NEBL: variants seen among roughly 807,000 people sequenced by gnomAD.
NEBL encodes nebulette.
NEBL carries 122 observed loss-of-function variants against 140.2 expected under a neutral mutation model. The ratio of observed to expected loss-of-function variants is 0.87; its 90% confidence interval spans 0.75 to 1.01. The LOEUF is 1.01. Ranked by LOEUF, NEBL falls within the 50% of genes least tolerant of loss-of-function variation. The probability of loss-of-function intolerance (pLI) is 0.00; values close to 1 mark genes in which losing one functional copy is unlikely to be tolerated. For missense variants in NEBL, 1,365 were observed against 1,231.3 expected (o/e 1.11, Z -1.62); for synonymous variants, 436 against 398.9 (o/e 1.09, Z -1.11).
Position 20,850,407 on chromosome 10 carries a change from C to T in NEBL, c.1104G>A (p.Lys368=). 6.2e-7 allele frequency: 1 copy of T among 1,605,302 alleles called. No individual in the cohort carries two copies. The change falls in exon 11 of 28, where the codon AAG becomes AAA. Residue 368 remains lysine, a synonymous_variant. Transcript: ENST00000377122. ...CTAATTGACCTACTTCACTTTGCATCTTTTGAGCCTCCTTTGAAGCTTGAT... is the reference window on the plus strand; with the variant it reads ...CTAATTGACCTACTTCACTTTGCATTTTTTGAGCCTCCTTTGAAGCTTGAT... ...PSYQASKEAQ[K]MQSEKVYKED...
At chr10:21,183,232 G>T (rs140308939) in intron 3 of NEBL, among the ~76,000 whole-genome samples, 135 of 152,292 alleles carry the variant, frequency 8.9e-4, no homozygotes, top group African/African-American at 3.1e-3. Context: ...AGAGATGAAT[G>T]AATGAGTCAC....
chr10:21,033,956 G>A (rs567746392), intron 2 of NEBL, among the ~76,000 whole-genome samples: 12 of 151,566 alleles, frequency 7.9e-5, no homozygotes, highest in African/African-American at 2.9e-4. Flanking sequence ...GCTTAAGTCA[G>A]AGACTTTGAG....
At chr10:21,172,560 G>A in intron 1 of NEBL, 1 of 927,378 alleles carries the variant, frequency 1.1e-6, no homozygotes, top group Non-Finnish European at 1.7e-6. Context: ...GCTTTTTAGT[G>A]CATCACAGTC....
chr10:20,879,437 C>T (rs1243216378), intron 5 of NEBL, among the ~76,000 whole-genome samples: 2 of 152,208 alleles, frequency 1.3e-5, no homozygotes, highest in African/African-American at 4.8e-5. Flanking sequence ...CTCTTCATCT[C>T]CTAGCAATCT....
intron 3 of NEBL, among the ~76,000 whole-genome samples, chr10:21,236,042 C>T (rs1187898994): frequency 2.0e-5 from 3 of 152,160 alleles, no homozygotes; most frequent in East Asian, 1.9e-4. Context: ...ATTCATAACC[C>T]CCGTAGTCTT....
chr10:21,037,927 T>C (rs1443795072), intron 2 of NEBL, among the ~76,000 whole-genome samples: 19 of 152,152 alleles, frequency 1.2e-4, no homozygotes, highest in Admixed American at 1.2e-3. Flanking sequence ...TCTTCACCTC[T>C]GAAGAACAAA....
intron 2 of NEBL, among the ~76,000 whole-genome samples, chr10:21,160,584 C>A (rs760913989): frequency 8.4e-5 from 12 of 143,560 alleles, no homozygotes; most frequent in Non-Finnish European, 1.6e-4. Context: ...CAGAGAACTA[C>A]GTCACTGGCA....
At position 21,112,736 on chromosome 10, in the gene NEBL, T is replaced by C. The variant is rs1381807646; in HGVS notation, c.164+59647A>G. The C allele has an allele frequency of 7.8e-5, 10 of 127,940 alleles. No individual in the cohort carries two copies. In the East Asian group the frequency reaches 2.3e-3, roughly 29 times the overall value. The allele number at this position is 127,940 out of a possible 1,614,324, so 7.9% of individuals were successfully genotyped here. On this transcript the variant is annotated intron_variant, in intron 2 of 6. Transcript: ENST00000417816. ...TGCACATGTACCCTAGAACTTAAAG[T>C]ATAATAAAAAAAAAAAAAGAAAAAG... is the stretch of plus-strand genomic sequence containing the variant.
chr10:20,830,889 G>A (rs1840338670), intron 16 of NEBL, among the ~76,000 whole-genome samples: 1 of 134,142 alleles, frequency 7.5e-6, no homozygotes, highest in South Asian at 2.5e-4. Context: ...GGGTGAAAGA[G>A]TGAGACCTCC....
intron 2 of NEBL, among the ~76,000 whole-genome samples, chr10:21,087,178 C>G (rs1347752119): frequency 6.6e-6 from 1 of 152,134 alleles, no homozygotes; most frequent in Non-Finnish European, 1.5e-5. Context: ...AAGTTACTGT[C>G]TCCTCCCCAG....
intron 2 of NEBL, among the ~76,000 whole-genome samples, chr10:21,138,790 T>C (rs1182308518): frequency 1.3e-5 from 2 of 148,882 alleles, no homozygotes; most frequent in Non-Finnish European, 3.0e-5. Flanking sequence ...CCAAAACATG[T>C]ACTTTTAGTA....
At chr10:21,184,274 A>G (rs1255002741) in intron 3 of NEBL, among the ~76,000 whole-genome samples, 1 of 152,226 alleles carries the variant, frequency 6.6e-6, no homozygotes, top group Non-Finnish European at 1.5e-5. Context: ...ATAATGCAAC[A>G]AAAATGTCCT....
chr10:20,855,168 G>C (rs900265910), intron 9 of NEBL, among the ~76,000 whole-genome samples: 2 of 151,130 alleles, frequency 1.3e-5, no homozygotes, highest in Non-Finnish European at 2.9e-5. Context: ...AGCGGAGGTT[G>C]CAGTGAGCTG....
intron 3 of NEBL, among the ~76,000 whole-genome samples, chr10:21,225,694 C>G (rs1024771707): frequency 6.6e-6 from 1 of 152,280 alleles, no homozygotes; most frequent in Admixed American, 6.5e-5. Flanking sequence ...TACTGCCTGG[C>G]CACTGCCGAT....
chr10:21,050,286 T>C (rs913384002), intron 2 of NEBL, among the ~76,000 whole-genome samples: 5 of 152,234 alleles, frequency 3.3e-5, no homozygotes, highest in Non-Finnish European at 7.3e-5. Context: ...GCAACTTTTT[T>C]TTTACCTTTT....
At chr10:20,957,343 C>G (rs937455213) in intron 4 of NEBL, among the ~76,000 whole-genome samples, 1 of 152,094 alleles carries the variant, frequency 6.6e-6, no homozygotes, top group African/African-American at 2.4e-5. Flanking sequence ...AATTATATTA[C>G]AAGATCAAAT....
chr10:21,259,788 C>T (rs1043806098), intron 1 of NEBL, among the ~76,000 whole-genome samples: 5 of 131,850 alleles, frequency 3.8e-5, no homozygotes, highest in African/African-American at 1.8e-4. Context: ...ACCAGTCAGC[C>T]CCCTGCCTTT....
At chr10:21,050,910 C>T (rs1334659699) in intron 2 of NEBL, among the ~76,000 whole-genome samples, 1 of 152,176 alleles carries the variant, frequency 6.6e-6, no homozygotes, top group Non-Finnish European at 1.5e-5. Flanking sequence ...TTCAGATTCC[C>T]TGAGTCTTAC....
chr10:20,937,077 C>T (rs1030466004), intron 4 of NEBL, among the ~76,000 whole-genome samples: 1 of 152,140 alleles, frequency 6.6e-6, no homozygotes, highest in Non-Finnish European at 1.5e-5. Context: ...CAAGTGCAGC[C>T]CAATGACACA....
Sources: allele counts gnomAD v4.1 joint callset (sites outside exome capture counted in the v4.1 genomes callset), GRCh38; gene constraint gnomAD v4.1.1; transcripts MANE v1.5; gene names NCBI Gene and HGNC (gene_info 2026-07-23, HGNC 2026-07-21).